Variants in AGO3 observed in about 807,000 individuals in gnomAD.
AGO3 encodes the protein argonaute RISC catalytic component 3, also known as protein argonaute-3.
A neutral mutation model predicts 105.5 loss-of-function variants in AGO3; 16 were observed. The ratio of observed to expected loss-of-function variants is 0.15; its 90% CI spans 0.10 to 0.23. The LOEUF (loss-of-function observed/expected upper bound fraction) is 0.23. Ranked by LOEUF, AGO3 falls within the 10% of genes least tolerant of loss-of-function variation. The pLI is 1.00. For missense variants in AGO3, 534 were observed against 1,088.0 expected (o/e 0.49, Z 7.16); for synonymous variants, 340 against 367.3 (o/e 0.93, Z 0.85).
Position 35,979,584 on chromosome 1 carries a change from G to T in AGO3, c.658+6073G>T, listed in dbSNP as rs113118886. On this transcript the variant is annotated intron_variant, in intron 5 of 18. Transcript: ENST00000373191. ...TTTGTTTTTTGTTCTCTCAGACTAG[G>T]ATAAATAAATTTCCTATTATTAATA... 2.7e-3 allele frequency among the ~76,000 whole-genome samples: 411 copies of T among 152,046 alleles called. 3 individuals are homozygous for T. Among genetic ancestry groups the T allele is most frequent in the African/African-American group, 8.9e-3 (369 of 41,504 alleles).
intron 5 of AGO3, among the ~76,000 whole-genome samples, chr1:35,991,794 C>G (rs1269065281): frequency 7.2e-5 from 11 of 152,030 alleles, no homozygotes; most frequent in Non-Finnish European, 5.9e-5. Context: ...TCTCTTAGCT[C>G]TCTGAGCATA....
chr1:35,966,588 G>A (rs999257142), intron 2 of AGO3, among the ~76,000 whole-genome samples: 1 of 152,156 alleles, frequency 6.6e-6, no homozygotes, highest in Non-Finnish European at 1.5e-5. Flanking sequence ...TATGTACTAG[G>A]TGTCTTCTTG....
rs139664803 is a variant in AGO3, at chr1:36,011,412, T to C, written c.1149+1818T>C. On this transcript the variant is annotated intron_variant, in intron 9 of 18. Transcript: ENST00000373191. ...AGTCAAAGAAAGTTATTACATGATA[T>C]TTAATTAGGAAAATATATGCTGGTT... Among the ~76,000 whole-genome samples the C allele has an allele frequency of 1.1e-4, 16 of 152,256 alleles. No individual in the cohort carries two copies. In the East Asian group the frequency reaches 2.3e-3, roughly 22 times the overall value.
chr1:35,994,758 C>A (rs567827153), intron 5 of AGO3, among the ~76,000 whole-genome samples: 1 of 152,218 alleles, frequency 6.6e-6, no homozygotes, highest in South Asian at 2.1e-4. Context: ...AAGTGCCATT[C>A]ATAACATAAA....
At chr1:36,034,568 G>A (rs1333085821) in intron 13 of AGO3, among the ~76,000 whole-genome samples, 1 of 152,090 alleles carries the variant, frequency 6.6e-6, no homozygotes, top group Non-Finnish European at 1.5e-5. Context: ...AAAGAATGAA[G>A]CAAAGCAACA....
At position 36,061,445 on chromosome 1, in the gene AGO3, A is replaced by G. The variant is rs193188573; in HGVS notation, c.*5700A>G. The stretch of plus-strand genomic sequence containing the variant: ...TGTTTACATCATTGATTAAATCTCA[A>G]GAATCTTTTGTTCTTAAAATATGGA... On this transcript the variant is annotated 3_prime_UTR_variant, in exon 19 of 19. Coordinates refer to ENST00000373191, the MANE Select transcript of AGO3 (RefSeq NM_024852.4). 9.2e-5 allele frequency: 14 copies of G among 152,350 alleles called. No individual in the cohort carries two copies. The highest frequency in any genetic ancestry group is 3.3e-4 in the Admixed American group (5 of 15,302). 9.4% of individuals were successfully genotyped at this position (152,350 alleles called of 1,614,324 possible). A position where few individuals can be genotyped will look rare whatever the true frequency, so the allele number is the denominator to read the frequency against.
intron 12 of AGO3, among the ~76,000 whole-genome samples, chr1:36,032,172 A>G (rs776431204): frequency 6.6e-6 from 1 of 152,150 alleles, no homozygotes; most frequent in Non-Finnish European, 1.5e-5. Flanking sequence ...ATGCCCACCA[A>G]CAGCGCACAG....
intron 5 of AGO3, among the ~76,000 whole-genome samples, chr1:35,975,644 AT>A (rs1279050651): frequency 6.6e-6 from 1 of 152,082 alleles, no homozygotes; most frequent in African/African-American, 2.4e-5. Flanking sequence ...ATGACTTTTA[AT>A]ATCTGATAGG....
Position 36,068,920 on chromosome 1 carries a change from T to G in AGO3, c.*13175T>G, listed in dbSNP as rs1643127860. On this transcript the variant is annotated 3_prime_UTR_variant, in exon 19 of 19. Coordinates refer to ENST00000373191, the MANE Select transcript of AGO3 (RefSeq NM_024852.4). Reference sequence around the variant, plus strand: ...AAGATCACAAATGGAAAAAGCCTATTGAGAATTTATTGCCTTTGAGAGTAG... The same window carrying G: ...AAGATCACAAATGGAAAAAGCCTATGGAGAATTTATTGCCTTTGAGAGTAG... The G allele has an allele frequency of 6.6e-6, 1 of 152,212 alleles. No individual in the cohort carries two copies. Among genetic ancestry groups the G allele is most frequent in the Non-Finnish European group, 1.5e-5 (1 of 68,040 alleles). 9.4% of individuals were successfully genotyped at this position (152,212 alleles called of 1,614,324 possible). A position where few individuals can be genotyped will look rare whatever the true frequency, so the allele number is the denominator to read the frequency against.
At chr1:36,031,806 T>C in intron 12 of AGO3, among the ~76,000 whole-genome samples, 1 of 152,014 alleles carries the variant, frequency 6.6e-6, no homozygotes, top group East Asian at 1.9e-4. Context: ...TTTGGCATAA[T>C]ATCCTCAAGG....
At chr1:35,938,316 A>G (rs1405429770) in intron 1 of AGO3, among the ~76,000 whole-genome samples, 1 of 152,160 alleles carries the variant, frequency 6.6e-6, no homozygotes, top group Non-Finnish European at 1.5e-5. Context: ...TTATAAAATA[A>G]TAACTACATG....
chr1:36,038,340 C>G (rs1642103380), intron 14 of AGO3, among the ~76,000 whole-genome samples: 1 of 147,770 alleles, frequency 6.8e-6, no homozygotes, highest in African/African-American at 2.5e-5. Flanking sequence ...ACTGCAAGCT[C>G]CGCCTCCCGG....
chr1:36,018,460 G>A (rs1449342729), intron 11 of AGO3, among the ~76,000 whole-genome samples: 2 of 151,334 alleles, frequency 1.3e-5, no homozygotes, highest in African/African-American at 4.9e-5. Context: ...TTTGGTTTTT[G>A]TTTTGAGACG....
intron 2 of AGO3, among the ~76,000 whole-genome samples, chr1:35,965,666 GT>G (rs1195220784): frequency 4.6e-5 from 7 of 151,796 alleles, no homozygotes; most frequent in Admixed American, 4.6e-4. Flanking sequence ...GTTTTCAGTA[GT>G]TTCAGTAAAA....
At chr1:35,975,616 T>C (rs1164617853) in intron 5 of AGO3, among the ~76,000 whole-genome samples, 1 of 152,170 alleles carries the variant, frequency 6.6e-6, no homozygotes, top group Non-Finnish European at 1.5e-5. Flanking sequence ...ACATATGTAT[T>C]GGTCAGTCAT....
In AGO3 at chr1:36,058,277, T is replaced by G. The variant is rs992082425; in HGVS notation, c.*2532T>G. 6.6e-6 allele frequency: 1 copy of G among 152,182 alleles called. No individual in the cohort carries two copies. The highest frequency in any genetic ancestry group is 6.6e-5 in the Admixed American group (1 of 15,262). The allele number at this position is 152,182 out of a possible 1,614,324, so 9.4% of individuals were successfully genotyped here. On this transcript the variant is annotated 3_prime_UTR_variant, in exon 19 of 19. Transcript: ENST00000373191. ...AAGTTAGGACTTTGATCATTTTAAA[T>G]CAGTTAAATCACTGAAACGTGGGAA...
At chr1:36,047,879 C>CAA (rs75638046) in intron 17 of AGO3, among the ~76,000 whole-genome samples, 38 of 144,580 alleles carry the variant, frequency 2.6e-4, no homozygotes, top group East Asian at 1.0e-3. Context: ...GGCCCTGTCT[C>CAA]AAAAAAAAAA....
intron 11 of AGO3, among the ~76,000 whole-genome samples, chr1:36,015,196 A>T (rs1640840935): frequency 6.6e-6 from 1 of 152,298 alleles, no homozygotes; most frequent in South Asian, 2.1e-4. Context: ...AGAGCAGCTC[A>T]CAGAACTAGG....
In AGO3 at chr1:36,014,015, C is replaced by A; in HGVS notation, c.1373C>A (p.Ala458Asp). ...AAAATGTGGGCTATCGCTTGTTTTG[C>A]CACACAGAGGCAGTGCAGAGAAGAA... ...EIKMWAIACF[A>D]TQRQCREEIL... Residue 458 changes from alanine (A) to aspartate (D), a missense_variant, in exon 11 of 19, where the codon GCC becomes GAC. By Grantham distance (126) the Ala-to-Asp change is moderately radical (BLOSUM62 -2). This residue lies in a region of AGO3 where 373 missense variants were observed against 854.0 expected (regional missense o/e 0.44). Coordinates refer to ENST00000373191, the MANE Select transcript of AGO3 (RefSeq NM_024852.4). 2.5e-6 allele frequency: 4 copies of A among 1,614,006 alleles called. No individual in the cohort carries two copies. Among genetic ancestry groups the A allele is most frequent in the Non-Finnish European group, 3.4e-6 (4 of 1,180,028 alleles).
Sources: gnomAD v4.1 joint callset for allele counts (sites outside exome capture counted in the v4.1 genomes callset) on GRCh38, gnomAD v4.1.1 for gene constraint, gnomAD v4.1.1 regional missense constraint, MANE v1.5 for transcripts, NCBI Gene and HGNC (gene_info 2026-07-23, HGNC 2026-07-21) for gene names.